The following CFDP1 variants were observed in gnomAD, a reference collection of about 807,000 sequenced individuals.
The protein encoded by CFDP1 is heterochromatin-stabilizing protein CFDP1.
A neutral mutation model predicts 40.1 loss-of-function variants in CFDP1; 31 were observed. That is an observed-to-expected ratio of 0.77 (90% CI 0.58 to 1.04). The LOEUF is 1.04. CFDP1 is among the 50% of genes least tolerant of loss of function. CFDP1 has a pLI of 0.00. For synonymous variants in CFDP1, 167 were observed against 120.0 expected (o/e 1.39, Z -2.56); for missense variants, 423 against 343.4 (o/e 1.23, Z -1.83).
chr16:75,338,200 C>T (rs1029605875), intron 5 of CFDP1, among the ~76,000 whole-genome samples: 1 of 152,158 alleles, frequency 6.6e-6, no homozygotes, highest in Non-Finnish European at 1.5e-5. Flanking sequence ...ACAAAAGAGA[C>T]ATTTACTTCA....
At chr16:75,378,610 C>T (rs191275713) in intron 5 of CFDP1, among the ~76,000 whole-genome samples, 10 of 152,110 alleles carry the variant, frequency 6.6e-5, no homozygotes, top group African/African-American at 2.2e-4. Flanking sequence ...AAGCTCACAG[C>T]GTAGTGATGG....
chr16:75,293,867 G>T lies in CFDP1; in HGVS notation c.*85C>A. ...AAGACCTTGCTGGGAAACAGATGAT[G>T]AGAAACACTGTAAAACATTTCACAG... On this transcript the variant is annotated 3_prime_UTR_variant, in exon 7 of 7. Coordinates refer to ENST00000283882, the MANE Select transcript of CFDP1 (RefSeq NM_006324.3). 1 of 1,106,388 alleles carries T rather than the reference G, an allele frequency of 9.0e-7. No individual in the cohort carries two copies. The highest frequency in any genetic ancestry group is 1.3e-6 in the Non-Finnish European group (1 of 742,174). 68.5% of individuals were successfully genotyped at this position (1,106,388 alleles called of 1,614,324 possible).
chr16:75,382,423 C>T (rs1299182564), intron 5 of CFDP1, among the ~76,000 whole-genome samples: 1 of 152,130 alleles, frequency 6.6e-6, no homozygotes, highest in African/African-American at 2.4e-5. Context: ...TAATCTAAGC[C>T]TTTACACAGC....
chr16:75,398,485 C>T (rs1219106774), intron 4 of CFDP1, among the ~76,000 whole-genome samples: 2 of 152,194 alleles, frequency 1.3e-5, no homozygotes, highest in Non-Finnish European at 2.9e-5. Flanking sequence ...AGTGGCACAA[C>T]ATGACTTCCA....
intron 5 of CFDP1, among the ~76,000 whole-genome samples, chr16:75,326,262 G>T (rs1259422350): frequency 6.6e-6 from 1 of 152,148 alleles, no homozygotes; most frequent in African/African-American, 2.4e-5. Context: ...TTTGGTTTTG[G>T]AGGGCTAGTT....
At chr16:75,376,890 T>C (rs1430424387) in intron 5 of CFDP1, among the ~76,000 whole-genome samples, 2 of 152,244 alleles carry the variant, frequency 1.3e-5, no homozygotes, top group African/African-American at 2.4e-5. Flanking sequence ...CCTAGAAATT[T>C]CTGCATAAAC....
rs2078163007 is a variant in CFDP1 at position 75,293,855 on chromosome 16, G to A, written c.*97C>T. The stretch of plus-strand genomic sequence containing the variant: ...GTAGAAAAAAAAAAGACCTTGCTGG[G>A]AAACAGATGATGAGAAACACTGTAA... On this transcript the variant is annotated 3_prime_UTR_variant, in exon 7 of 7. Coordinates refer to ENST00000283882, the MANE Select transcript of CFDP1 (RefSeq NM_006324.3). The A allele has an allele frequency of 1.0e-6, 1 of 974,364 alleles. No individual in the cohort carries two copies. The highest frequency in any genetic ancestry group is 1.6e-5 in the African/African-American group (1 of 60,734). The allele number at this position is 974,364 out of a possible 1,614,324, so 60.4% of individuals were successfully genotyped here.
At chr16:75,400,411 T>A (rs1013253770) in intron 4 of CFDP1, among the ~76,000 whole-genome samples, 2 of 152,166 alleles carry the variant, frequency 1.3e-5, no homozygotes, top group Non-Finnish European at 2.9e-5. Context: ...GGCAAGCCAA[T>A]GTGTACTAAA....
chr16:75,298,269 A>AACCCT (rs2078197881), intron 6 of CFDP1, among the ~76,000 whole-genome samples: 1 of 152,214 alleles, frequency 6.6e-6, no homozygotes, highest in Non-Finnish European at 1.5e-5. Flanking sequence ...CAGATAAGGG[A>AACCCT]TATTCAACCT....
chr16:75,303,392 A>ATGT (rs1567639297), intron 6 of CFDP1, among the ~76,000 whole-genome samples: 12 of 64,120 alleles, frequency 1.9e-4, no homozygotes, highest in African/African-American at 4.1e-4. Context: ...TAAATAAATA[A>ATGT]ATAAATAAAT....
At chr16:75,319,043 C>G (rs977386802) in intron 5 of CFDP1, among the ~76,000 whole-genome samples, 2 of 152,050 alleles carry the variant, frequency 1.3e-5, no homozygotes, top group African/African-American at 4.8e-5. Context: ...CAATACCAAA[C>G]TTACTTTATT....
chr16:75,342,465 C>A (rs755818882), intron 5 of CFDP1, among the ~76,000 whole-genome samples: 1 of 152,168 alleles, frequency 6.6e-6, no homozygotes, highest in Non-Finnish European at 1.5e-5. Context: ...GACTCATTAA[C>A]AGAAAGGCTG....
At chr16:75,344,938 A>C (rs1470875235) in intron 5 of CFDP1, among the ~76,000 whole-genome samples, 2 of 152,162 alleles carry the variant, frequency 1.3e-5, no homozygotes, top group African/African-American at 4.8e-5. Context: ...TCTCAAAAAC[A>C]AAAAAAGAAG....
rs762550671 is a variant in CFDP1, at chr16:75,305,113, G to T, written c.720C>A (p.Thr240=). The T allele has an allele frequency of 4.3e-6, 7 of 1,613,924 alleles. No homozygotes were observed. The highest frequency in any genetic ancestry group is 5.1e-6 in the Non-Finnish European group (6 of 1,179,994). The change falls in exon 6 of 7, where the codon ACC becomes ACA. Residue 240 remains threonine (T), a synonymous_variant. Coordinates refer to ENST00000283882, the MANE Select transcript of CFDP1 (RefSeq NM_006324.3). The part of the protein sequence containing the change: ...KIGAKKQKMS[T]LEKSKLDWES... ...CCCAGTCCAGTTTGGACTTCTCAAG[G>T]GTGCTCATTTTCTGCTTCTTGGCAC...
chr16:75,327,882 C>T (rs577969516), intron 5 of CFDP1, among the ~76,000 whole-genome samples: 2 of 152,128 alleles, frequency 1.3e-5, no homozygotes, highest in Non-Finnish European at 2.9e-5. Flanking sequence ...CGCCACCACA[C>T]CTGGCTAATT....
Position 75,293,990 on chromosome 16 carries a change from T to C in CFDP1, c.862A>G (p.Ile288Val), listed in dbSNP as rs749395058. ...TTGCTCAGCCTGAGATCTCGCTCAA[T>C]TTCAAACTGCCTGTGATCCACTCGG... ...LDRVDHRQFE[I>V]ERDLRLSKMK... The change falls in exon 7 of 7, where the codon ATT becomes GTT. Residue 288 changes from isoleucine (I) to valine (V), a missense_variant. Physicochemically the swap from Ile to Val is conservative, Grantham distance 29. Coordinates refer to ENST00000283882, the MANE Select transcript of CFDP1 (RefSeq NM_006324.3). 3.1e-6 allele frequency: 5 copies of C among 1,614,172 alleles called. No individual in the cohort carries two copies.
intron 1 of CFDP1, among the ~76,000 whole-genome samples, chr16:75,430,220 G>C (rs546533739): frequency 6.6e-6 from 1 of 151,192 alleles, no homozygotes; most frequent in African/African-American, 2.5e-5. Flanking sequence ...GCCCAGGCTG[G>C]AGTGCAGTGG....
chr16:75,382,927 C>G (rs2078864011), intron 5 of CFDP1, among the ~76,000 whole-genome samples: 1 of 152,214 alleles, frequency 6.6e-6, no homozygotes, highest in African/African-American at 2.4e-5. Context: ...CAATGCAAAG[C>G]ATGAGTTTTT....
At chr16:75,322,992 C>T (rs971324313) in intron 5 of CFDP1, among the ~76,000 whole-genome samples, 3 of 152,124 alleles carry the variant, frequency 2.0e-5, no homozygotes, top group Admixed American at 2.0e-4. Context: ...TTTATAACCA[C>T]TGTACACTTA....
Sources: allele counts gnomAD v4.1 joint callset (sites outside exome capture counted in the v4.1 genomes callset), GRCh38; gene constraint gnomAD v4.1.1; transcripts MANE v1.5; gene names NCBI Gene and HGNC (gene_info 2026-07-23, HGNC 2026-07-21).